Variants in LRCH1 observed in about 807,000 individuals in gnomAD.
LRCH1 encodes leucine-rich repeat and calponin homology domain-containing protein 1.
Under a neutral mutation model 94.9 loss-of-function variants are expected in LRCH1, and 23 were observed. The observed-to-expected ratio is 0.24, with a 90% confidence interval of 0.17 to 0.34. LRCH1 has a LOEUF of 0.34. Among genes scored for constraint, LRCH1 ranks in the 10% least tolerant of loss-of-function variants. The pLI is 1.00. For missense variants in LRCH1, 790 were observed against 945.9 expected, an observed-to-expected ratio of 0.84 and a Z score of 2.16; for synonymous variants, 364 against 354.9, an observed-to-expected ratio of 1.03 and a Z score of -0.29.
chr13:46,573,035 T>A (rs938935836), intron 1 of LRCH1, among the ~76,000 whole-genome samples: 13 of 152,178 alleles, frequency 8.5e-5, no homozygotes, highest in African/African-American at 3.1e-4. Flanking sequence ...CACAGAGGGC[T>A]TTGGGGAATT....
At chr13:46,737,856 G>T (rs890948953) in intron 19 of LRCH1, among the ~76,000 whole-genome samples, 5 of 152,044 alleles carry the variant, frequency 3.3e-5, no homozygotes, top group Admixed American at 1.3e-4. Context: ...CCAAATTTAG[G>T]GATATTTTAG....
chr13:46,701,210 G>C lies in LRCH1; in HGVS notation c.1400+3G>C. Reference sequence around the variant, plus strand: ...GATTTGCTGCAAGATCCCAATGGGTGTGTATGTCTCCTTGGTCCAGGTTTC... The same window carrying C: ...GATTTGCTGCAAGATCCCAATGGGTCTGTATGTCTCCTTGGTCCAGGTTTC... On this transcript the variant is annotated splice_donor_region_variant and intron_variant, in intron 11 of 19. Transcript: ENST00000389797. 6.2e-7 allele frequency: 1 copy of C among 1,602,298 alleles called. No individual in the cohort carries two copies. The highest frequency in any genetic ancestry group is 8.6e-7 in the Non-Finnish European group (1 of 1,169,296).
At chr13:46,695,248 G>A (rs998836190) in intron 9 of LRCH1, among the ~76,000 whole-genome samples, 3 of 152,112 alleles carry the variant, frequency 2.0e-5, no homozygotes, top group Admixed American at 6.5e-5. Context: ...TTTTCTTTCC[G>A]CTACTCAGTG....
chr13:46,575,116 C>A (rs913793659), intron 1 of LRCH1, among the ~76,000 whole-genome samples: 6 of 152,098 alleles, frequency 3.9e-5, no homozygotes, highest in Non-Finnish European at 7.3e-5. Flanking sequence ...GGCAGAAATC[C>A]TCTTTAGGGT....
intron 7 of LRCH1, among the ~76,000 whole-genome samples, chr13:46,691,056 G>T (rs1870869263): frequency 6.6e-6 from 1 of 152,192 alleles, no homozygotes; most frequent in African/African-American, 2.4e-5. Context: ...ATTTCTGCCA[G>T]TTTCTAAACA....
At chr13:46,736,880 T>C (rs1235951516) in intron 19 of LRCH1, among the ~76,000 whole-genome samples, 4 of 152,244 alleles carry the variant, frequency 2.6e-5, no homozygotes, top group African/African-American at 9.6e-5. Flanking sequence ...CTAAAATTTT[T>C]TGTCCTATGT....
At chr13:46,664,064 G>A (rs1012482323) in intron 2 of LRCH1, among the ~76,000 whole-genome samples, 1 of 152,182 alleles carries the variant, frequency 6.6e-6, no homozygotes, top group Non-Finnish European at 1.5e-5. Context: ...TATCCAGATT[G>A]GAATTAGGTA....
intron 13 of LRCH1, among the ~76,000 whole-genome samples, chr13:46,711,563 T>C (rs1872062623): frequency 6.6e-6 from 1 of 152,240 alleles, no homozygotes; most frequent in Non-Finnish European, 1.5e-5. Context: ...TTCTTTATCT[T>C]AGTTTGTATA....
intron 9 of LRCH1, among the ~76,000 whole-genome samples, chr13:46,698,562 T>C (rs190931894): frequency 1.3e-5 from 2 of 152,314 alleles, no homozygotes; most frequent in East Asian, 3.9e-4. Context: ...TGTTACACTT[T>C]CTCTTTTCCC....
rs1426839642 is a variant in LRCH1 at position 46,728,952 on chromosome 13, G to T, written c.1975G>T (p.Val659Phe). The stretch of plus-strand genomic sequence containing the variant: ...GGTCAACCACATCCGCCCACGGTCG[G>T]TTGCAAGCATCCATGTCCCATCACC... Reference protein sequence around the residue: ...HLVNHIRPRSVASIHVPSPAV... With the variant: ...HLVNHIRPRSFASIHVPSPAV... The change falls in exon 18 of 20, where the codon GTT (valine) becomes TTT (phenylalanine). Residue 659 changes from valine to phenylalanine, a missense_variant. By Grantham distance (50) the Val-to-Phe change is conservative. Transcript: ENST00000389797. 6.2e-7 allele frequency: 1 copy of T among 1,613,348 alleles called. No individual in the cohort carries two copies.
chr13:46,717,751 C>CT (rs897474526), intron 16 of LRCH1: 60 of 152,208 alleles, frequency 3.9e-4, no homozygotes, highest in African/African-American at 1.2e-3. Flanking sequence ...TAAGGTTGTC[C>CT]TTTTTTTACC....
chr13:46,616,907 A>G (rs141239961), intron 1 of LRCH1, among the ~76,000 whole-genome samples: 5,140 of 152,362 alleles, frequency 0.034, 125 homozygotes, highest in Non-Finnish European at 0.053. Flanking sequence ...CACAAAGTAC[A>G]TTCTCAAGGG....
intron 17 of LRCH1, among the ~76,000 whole-genome samples, chr13:46,725,990 A>G (rs1891214): frequency 0.11 from 17,230 of 152,264 alleles, 1,061 homozygotes; most frequent in South Asian, 0.2. Flanking sequence ...CCTAAAAACA[A>G]TTGTCCACAC....
At chr13:46,711,901 T>TA in intron 14 of LRCH1, 57 bp downstream of exon 14, 1 of 1,272,714 alleles carries the variant, frequency 7.9e-7, no homozygotes, top group Non-Finnish European at 1.1e-6. Flanking sequence ...TGGATTGGAA[T>TA]ATCTTTTACA....
intron 1 of LRCH1, among the ~76,000 whole-genome samples, chr13:46,620,218 A>G (rs555087597): frequency 1.3e-5 from 2 of 152,184 alleles, no homozygotes; most frequent in South Asian, 2.1e-4. Flanking sequence ...TCTGCATACT[A>G]CCAATACAAA....
chr13:46,747,786 A>G (rs888279191), downstream of LRCH1, among the ~76,000 whole-genome samples: 2 of 151,452 alleles, frequency 1.3e-5, no homozygotes, highest in Non-Finnish European at 2.9e-5. Context: ...TGCCCAGGCT[A>G]GAGTGCAGTG....
At chr13:46,731,341 G>A (rs768694370) in intron 18 of LRCH1, among the ~76,000 whole-genome samples, 79 of 151,974 alleles carry the variant, frequency 5.2e-4, no homozygotes, top group Admixed American at 9.8e-4. Context: ...GGGTTCAAGC[G>A]TGGCTCAGCC....
chr13:46,648,797 C>T (rs985739607), intron 1 of LRCH1, among the ~76,000 whole-genome samples: 8 of 152,166 alleles, frequency 5.3e-5, no homozygotes, highest in African/African-American at 1.9e-4. Flanking sequence ...TAAATTATAT[C>T]TCTTCTTTTG....
At chr13:46,682,443 G>A (rs538801576) in intron 4 of LRCH1, among the ~76,000 whole-genome samples, 1 of 152,244 alleles carries the variant, frequency 6.6e-6, no homozygotes, top group East Asian at 1.9e-4. Context: ...ATAGAGGTTA[G>A]GACTTCAATA....
Sources: allele counts gnomAD v4.1 joint callset (sites outside exome capture counted in the v4.1 genomes callset), GRCh38; gene constraint gnomAD v4.1.1; transcripts MANE v1.5; gene names NCBI Gene and HGNC (gene_info 2026-07-23, HGNC 2026-07-21).